ARHGEF7: variants seen among roughly 807,000 people sequenced by gnomAD.
The protein encoded by ARHGEF7 is Rho guanine nucleotide exchange factor 7.
ARHGEF7 carries 33 observed loss-of-function variants against 109.8 expected under a neutral mutation model. The ratio of observed to expected loss-of-function variants is 0.30; its 90% CI spans 0.23 to 0.40. The LOEUF is 0.40. ARHGEF7 is among the 10% of genes least tolerant of loss of function. The probability of loss-of-function intolerance (pLI) is 1.00; values close to 1 mark genes in which losing one functional copy is unlikely to be tolerated. For synonymous variants in ARHGEF7, 458 were observed against 424.6 expected (o/e 1.08, Z -0.97); for missense variants, 938 against 1,098.5 (o/e 0.85, Z 2.07).
intron 5 of ARHGEF7, among the ~76,000 whole-genome samples, chr13:111,230,571 CAG>C (rs369438253): frequency 6.6e-5 from 10 of 152,204 alleles, no homozygotes; most frequent in Admixed American, 1.3e-4. Context: ...AGCTTTGCAT[CAG>C]AAGCCAGGAG....
chr13:111,114,644 CCCG>C (rs1594743829), upstream of ARHGEF7: 8 of 152,580 alleles, frequency 5.2e-5, no homozygotes, highest in East Asian at 5.8e-4. Flanking sequence ...AGGCGCCCGG[CCCG>C]GCCCGGCCCG....
rs140313855 is a variant in ARHGEF7, at chr13:111,288,112, A to G, written c.2045-242A>G. On this transcript the variant is annotated intron_variant, in intron 17 of 21. Transcript: ENST00000646102. Reference sequence around the variant, plus strand: ...CTTACGGGTTGGTAGGATAATCATTATAAAGTTAGGATGTTCGCCGTTTTT... The same window carrying G: ...CTTACGGGTTGGTAGGATAATCATTGTAAAGTTAGGATGTTCGCCGTTTTT... Among the ~76,000 whole-genome samples the G allele has an allele frequency of 5.3e-3, 803 of 152,318 alleles. 7 individuals carry two copies. Among genetic ancestry groups the G allele is most frequent in the African/African-American group, 0.018 (755 of 41,556 alleles).
At chr13:111,163,610 G>A (rs1203070548) in intron 2 of ARHGEF7, among the ~76,000 whole-genome samples, 2 of 151,686 alleles carry the variant, frequency 1.3e-5, no homozygotes, top group African/African-American at 2.4e-5. Context: ...TATTACCCAG[G>A]CTGGAGTACA....
chr13:111,177,783 A>T (rs1456954598), intron 2 of ARHGEF7, among the ~76,000 whole-genome samples: 1 of 152,256 alleles, frequency 6.6e-6, no homozygotes, highest in Non-Finnish European at 1.5e-5. Flanking sequence ...TGCATTTTTC[A>T]ACATGCTATT....
intron 1 of ARHGEF7, among the ~76,000 whole-genome samples, chr13:111,126,702 T>C (rs1157934098): frequency 6.6e-6 from 1 of 152,184 alleles, no homozygotes; most frequent in Non-Finnish European, 1.5e-5. Flanking sequence ...TTTCCCTAGA[T>C]TGAATCTGAG....
intron 5 of ARHGEF7, among the ~76,000 whole-genome samples, chr13:111,218,453 G>A (rs186455788): frequency 8.3e-4 from 126 of 152,244 alleles, no homozygotes; most frequent in African/African-American, 2.9e-3. Context: ...CGTGCTTCTT[G>A]TGGAAGCGTG....
intron 5 of ARHGEF7, among the ~76,000 whole-genome samples, chr13:111,223,502 T>G: frequency 6.6e-6 from 1 of 152,234 alleles, no homozygotes; most frequent in Admixed American, 6.5e-5. Context: ...GCTGTTTATC[T>G]CCAGATAAAT....
chr13:111,146,086 G>A (rs1209778935), intron 1 of ARHGEF7, among the ~76,000 whole-genome samples: 1 of 152,170 alleles, frequency 6.6e-6, no homozygotes, highest in African/African-American at 2.4e-5. Context: ...CGTGTTGTAG[G>A]TCTAGCTGTG....
intron 1 of ARHGEF7, among the ~76,000 whole-genome samples, chr13:111,140,741 G>A (rs1382385975): frequency 6.6e-6 from 1 of 152,128 alleles, no homozygotes; most frequent in East Asian, 1.9e-4. Context: ...TTGCCCAGGA[G>A]GGAGTGCAGT....
intron 6 of ARHGEF7, among the ~76,000 whole-genome samples, chr13:111,236,623 G>A (rs1481601944): frequency 2.0e-5 from 3 of 151,750 alleles, no homozygotes. Context: ...TTCACTTTTG[G>A]GTAGCATAAT....
rs571084149 is a variant in ARHGEF7, at chr13:111,253,065, G to C, written c.950+8771G>C. On this transcript the variant is annotated intron_variant, in intron 8 of 21. Coordinates refer to ENST00000646102, the MANE Select transcript of ARHGEF7 (RefSeq NM_001354046.2). ...GCCCCCTTCTCCTGTTGGGGGCAGG[G>C]CCCCTGCCTCACTTTGGGACAAGAA... is the stretch of plus-strand genomic sequence containing the variant. 3.3e-5 allele frequency among the ~76,000 whole-genome samples: 5 copies of C among 152,372 alleles called. No individual in the cohort carries two copies. The South Asian group carries it at 1.0e-3, about 32-fold the overall frequency.
chr13:111,202,455 C>T (rs767272146), intron 2 of ARHGEF7, among the ~76,000 whole-genome samples: 1 of 152,212 alleles, frequency 6.6e-6, no homozygotes, highest in Non-Finnish European at 1.5e-5. Flanking sequence ...ATTGCTGCTC[C>T]TGAGGCTGAG....
At chr13:111,231,626 C>T (rs1014817613) in intron 5 of ARHGEF7, among the ~76,000 whole-genome samples, 5 of 152,140 alleles carry the variant, frequency 3.3e-5, no homozygotes, top group Non-Finnish European at 5.9e-5. Context: ...AGGCAGTTGA[C>T]GTTAGGGACC....
At chr13:111,203,507 T>C (rs1406411382) in intron 2 of ARHGEF7, among the ~76,000 whole-genome samples, 1 of 152,240 alleles carries the variant, frequency 6.6e-6, no homozygotes, top group Non-Finnish European at 1.5e-5. Flanking sequence ...AAATCAGTTA[T>C]ATTTTGTGCC....
chr13:111,224,162 C>T (rs1162337979), intron 5 of ARHGEF7, among the ~76,000 whole-genome samples: 1 of 152,236 alleles, frequency 6.6e-6, no homozygotes, highest in East Asian at 1.9e-4. Context: ...GCGTCTACAG[C>T]ATTTTTTACA....
rs758005923 is a variant in ARHGEF7, at chr13:111,244,206, T to C, written c.862T>C (p.Ser288Pro). 4 of 1,599,454 alleles carry C rather than the reference T, an allele frequency of 2.5e-6. No homozygotes were observed. Among genetic ancestry groups the C allele is most frequent in the Non-Finnish European group, 3.4e-6 (4 of 1,172,154 alleles). The change falls in exon 8 of 22, where the codon TCA becomes CCA. Residue 288 changes from serine (S) to proline (P), a missense_variant. Transcript: ENST00000646102. ...TATTTTTCTTGGCTCTAGGTTAAGT[T>C]CAGCAAACATTTCATATTTAATGGG... is the stretch of plus-strand genomic sequence containing the variant. Reference protein sequence around the residue: ...RPLQTSEKLSSANISYLMGNL... With the variant: ...RPLQTSEKLSPANISYLMGNL...
chr13:111,200,246 C>G (rs367819087), intron 2 of ARHGEF7, among the ~76,000 whole-genome samples: 1 of 152,118 alleles, frequency 6.6e-6, no homozygotes, highest in East Asian at 1.9e-4. Flanking sequence ...CGGTCATCTC[C>G]AAGCCGAGCC....
intron 2 of ARHGEF7, among the ~76,000 whole-genome samples, chr13:111,178,441 G>C (rs1203176182): frequency 6.6e-6 from 1 of 152,214 alleles, no homozygotes; most frequent in Non-Finnish European, 1.5e-5. Context: ...TTTAGAGAAA[G>C]GGAGTGGTCT....
At chr13:111,270,049 A>G (rs1229825677) in intron 9 of ARHGEF7, among the ~76,000 whole-genome samples, 1 of 152,184 alleles carries the variant, frequency 6.6e-6, no homozygotes, top group Non-Finnish European at 1.5e-5. Flanking sequence ...TCCTTGTGTT[A>G]CTTGGGTTTA....
Sources: gnomAD v4.1 joint callset for allele counts (sites outside exome capture counted in the v4.1 genomes callset) on GRCh38, gnomAD v4.1.1 for gene constraint, MANE v1.5 for transcripts, NCBI Gene and HGNC (gene_info 2026-07-23, HGNC 2026-07-21) for gene names.